Variants in SPIRE2 observed in about 807,000 individuals in gnomAD.
SPIRE2 encodes the protein protein spire homolog 2.
Under a neutral mutation model 80.7 loss-of-function variants are expected in SPIRE2, and 76 were observed. The observed-to-expected ratio is 0.94, with a 90% confidence interval of 0.78 to 1.14. The LOEUF is 1.14. Among genes scored for constraint, SPIRE2 ranks in the 50% most tolerant of loss-of-function variants. The pLI is 0.00. For missense variants in SPIRE2, 1,196 were observed against 1,015.3 expected (o/e 1.18, Z -2.42); for synonymous variants, 535 against 432.6 (o/e 1.24, Z -2.94).
rs2143805835 is a variant in SPIRE2 at position 89,850,645 on chromosome 16, C to G, written c.630C>G (p.Val210=). Residue 210 remains valine, a synonymous_variant, in exon 3 of 15, where the codon GTC becomes GTG. Transcript: ENST00000378247. ...AGCTGCGGGCCTTCCTGGCCAGGGT[C>G]CGGGAGGCCAAGGAGGTGAGCGGTG... The part of the protein sequence containing the change: ...TLELRAFLAR[V]REAKEMLQKL... 6.7e-7 allele frequency: 1 copy of G among 1,502,526 alleles called. No homozygotes were observed. Among genetic ancestry groups the G allele is most frequent in the South Asian group, 1.3e-5 (1 of 79,370 alleles). The allele number at this position is 1,502,526 out of a possible 1,614,324, so 93.1% of individuals were successfully genotyped here. A position where few individuals can be genotyped will look rare whatever the true frequency, so the allele number is the denominator to read the frequency against.
chr16:89,833,274 C>G (rs1186730658), intron 1 of SPIRE2, among the ~76,000 whole-genome samples: 4 of 149,956 alleles, frequency 2.7e-5, no homozygotes, highest in Non-Finnish European at 5.9e-5. Flanking sequence ...CAGGCATGAG[C>G]CACCGCACCC....
intron 1 of SPIRE2, chr16:89,836,236 G>A (rs1246254788): frequency 2.2e-6 from 1 of 455,920 alleles, no homozygotes; most frequent in Non-Finnish European, 4.4e-6. Context: ...AGAAACCCAG[G>A]ATGATCCACC....
intron 1 of SPIRE2, among the ~76,000 whole-genome samples, chr16:89,829,114 G>A (rs560567749): frequency 1.3e-4 from 20 of 152,320 alleles, no homozygotes; most frequent in Admixed American, 1.3e-3. Context: ...GACTTGGGCC[G>A]GTGGCTCAGG....
rs2143836932 is a variant in SPIRE2, at chr16:89,870,949, A to C, written c.*677A>C. On this transcript the variant is annotated 3_prime_UTR_variant, in exon 15 of 15. Transcript: ENST00000378247. ...GAAAATGCAAAAATTAGCCAGGTAT[A>C]GTGGCAGGAACCTGTAATCCCAGCT... 1 of 152,740 alleles carries C rather than the reference A, an allele frequency of 6.5e-6. No individual in the cohort carries two copies. Among genetic ancestry groups the C allele is most frequent in the Admixed American group, 6.5e-5 (1 of 15,358 alleles). The allele number at this position is 152,740 out of a possible 1,614,324, so 9.5% of individuals were successfully genotyped here. A position where few individuals can be genotyped will look rare whatever the true frequency, so the allele number is the denominator to read the frequency against.
intron 12 of SPIRE2, among the ~76,000 whole-genome samples, chr16:89,864,754 C>A (rs957424511): frequency 1.3e-5 from 2 of 152,100 alleles, no homozygotes; most frequent in Non-Finnish European, 2.9e-5. Context: ...AAAAGCAAGA[C>A]CTGAAAGGAT....
At chr16:89,858,304 C>T (rs773988589) in intron 7 of SPIRE2, 34 bp from the exon 8 acceptor site, 175 of 1,526,442 alleles carry the variant, frequency 1.1e-4, no homozygotes, top group Non-Finnish European at 1.5e-4. Context: ...TCCCCGTTCA[C>T]TGGCCCGTCC....
At chr16:89,831,630 C>T (rs1413168461) in intron 1 of SPIRE2, among the ~76,000 whole-genome samples, 1 of 150,876 alleles carries the variant, frequency 6.6e-6, no homozygotes, top group Admixed American at 6.6e-5. Flanking sequence ...ATCTCCTGAC[C>T]TCATGATCCG....
At position 89,830,701 on chromosome 16, in the gene SPIRE2, C is replaced by G. The variant is rs145342202; in HGVS notation, c.244+1907C>G. Among the ~76,000 whole-genome samples the G allele has an allele frequency of 5.3e-4, 80 of 151,186 alleles. 1 individual carries two copies. The highest frequency in any genetic ancestry group is 1.9e-3 in the African/African-American group (79 of 41,428). On this transcript the variant is annotated intron_variant, in intron 1 of 14. Coordinates refer to ENST00000378247, the MANE Select transcript of SPIRE2 (RefSeq NM_032451.2). ...TAACCTTGGGTCTTCAGTACCCACC[C>G]TCTCACACAAACTGAATATGGGCAG...
intron 1 of SPIRE2, among the ~76,000 whole-genome samples, chr16:89,838,108 T>C (rs916378389): frequency 7.4e-5 from 11 of 149,644 alleles, no homozygotes; most frequent in Non-Finnish European, 1.3e-4. Flanking sequence ...CAAACGATTC[T>C]CCCACCTCAG....
At chr16:89,845,280 C>T (rs758052088) in intron 1 of SPIRE2, 42 bp from the exon 2 acceptor site, 28 of 1,601,262 alleles carry the variant, frequency 1.7e-5, no homozygotes, top group South Asian at 4.4e-5. Context: ...ATTGGGGTCC[C>T]GGGGATGCTG....
At position 89,855,590 on chromosome 16, in the gene SPIRE2, C is replaced by G. The variant is rs764346391; in HGVS notation, c.892-10C>G. 6.2e-7 allele frequency: 1 copy of G among 1,611,510 alleles called. No homozygotes were observed. The highest frequency in any genetic ancestry group is 2.2e-5 in the East Asian group (1 of 44,856). On this transcript the variant is annotated splice_polypyrimidine_tract_variant and intron_variant, in intron 5 of 14. Coordinates refer to ENST00000378247, the MANE Select transcript of SPIRE2 (RefSeq NM_032451.2). ...CCTGCAGGGCCTCAGATCAGCCGTC[C>G]TCCCCGCAGGTGGATGGGGACATCC...
chr16:89,849,300 G>T (rs896422235), intron 2 of SPIRE2, among the ~76,000 whole-genome samples: 1 of 152,234 alleles, frequency 6.6e-6, no homozygotes, highest in Non-Finnish European at 1.5e-5. Flanking sequence ...ATGAGCAGCC[G>T]CCCGTCCTGA....
chr16:89,868,223 A>G lies in SPIRE2; in HGVS notation c.1806+7A>G, dbSNP rs1567679474. On this transcript the variant is annotated splice_region_variant and intron_variant, in intron 13 of 14. Coordinates refer to ENST00000378247, the MANE Select transcript of SPIRE2 (RefSeq NM_032451.2). ...CACTTCCTGTAGCATAAAGGTGAGG[A>G]CCATGTGGGATCTCTGGGGTCTGAG... is the stretch of plus-strand genomic sequence containing the variant. The G allele has an allele frequency of 1.9e-6, 3 of 1,613,734 alleles. No homozygotes were observed. The highest frequency in any genetic ancestry group is 2.7e-5 in the African/African-American group (2 of 74,820).
intron 3 of SPIRE2, among the ~76,000 whole-genome samples, chr16:89,850,886 A>T (rs1166983307): frequency 3.3e-5 from 5 of 151,488 alleles, no homozygotes; most frequent in African/African-American, 1.2e-4. Context: ...CCCAGGCTGG[A>T]GGGGTAGTGG....
chr16:89,851,603 C>T (rs916631017), intron 3 of SPIRE2, among the ~76,000 whole-genome samples: 3 of 152,096 alleles, frequency 2.0e-5, no homozygotes, highest in South Asian at 2.1e-4. Flanking sequence ...CCTATCTCTC[C>T]GTGGACTCAG....
At chr16:89,845,743 C>A in intron 2 of SPIRE2, 1 of 617,688 alleles carries the variant, frequency 1.6e-6, no homozygotes, top group Non-Finnish European at 2.9e-6. Flanking sequence ...ACCAGTGCCC[C>A]GAAACCCCAC....
At position 89,828,583 on chromosome 16, in the gene SPIRE2, G is replaced by A. The variant is rs758790116; in HGVS notation, c.33G>A (p.Ala11=). The change falls in exon 1 of 15, where the codon GCG becomes GCA. Residue 11 remains alanine (A), a synonymous_variant. Transcript: ENST00000378247. This position sits in a 1 kb window ranked among gnomAD's most constrained non-coding sequence, Gnocchi z 5.9. MARAGSCGGA[A]AGAGRPEPWE... ...GGGCGGGCAGCTGCGGCGGCGCCGC[G>A]GCGGGCGCAGGGCGGCCGGAGCCCT... 1.4e-5 allele frequency: 17 copies of A among 1,178,262 alleles called. No individual in the cohort carries two copies. Among genetic ancestry groups the A allele is most frequent in the Non-Finnish European group, 1.7e-5 (16 of 955,192 alleles). 73.0% of individuals were successfully genotyped at this position (1,178,262 alleles called of 1,614,324 possible).
chr16:89,869,082 C>T (rs1191948398), intron 13 of SPIRE2, among the ~76,000 whole-genome samples: 1 of 87,646 alleles, frequency 1.1e-5, no homozygotes, highest in Non-Finnish European at 2.1e-5. Flanking sequence ...ATATGTTACC[C>T]CTCAGGCCTC....
intron 1 of SPIRE2, among the ~76,000 whole-genome samples, chr16:89,839,748 T>C (rs574528485): frequency 2.0e-5 from 3 of 152,032 alleles, no homozygotes; most frequent in South Asian, 4.2e-4. Flanking sequence ...GGGGGTGGGG[T>C]GAAAAGGGGA....
Sources: gnomAD v4.1 joint callset for allele counts (sites outside exome capture counted in the v4.1 genomes callset) on GRCh38, gnomAD v4.1.1 for gene constraint, Gnocchi (gnomAD v3.1) non-coding constraint, MANE v1.5 for transcripts, NCBI Gene and HGNC (gene_info 2026-07-23, HGNC 2026-07-21) for gene names.